KCNIP4: variants seen among roughly 807,000 people sequenced by gnomAD.
KCNIP4 encodes the protein Kv channel-interacting protein 4.
Under a neutral mutation model 34.0 loss-of-function variants are expected in KCNIP4, and 12 were observed. That is an observed-to-expected ratio of 0.35 (90% CI 0.23 to 0.57). The LOEUF is 0.57. KCNIP4 is among the 20% of genes least tolerant of loss of function. The pLI, the probability that KCNIP4 is intolerant of heterozygous loss-of-function variation, is 0.83. For synonymous variants in KCNIP4, 124 were observed against 102.2 expected (o/e 1.21, Z -1.29); for missense variants, 238 against 311.7 (o/e 0.76, Z 1.78).
rs557114677 is a variant in KCNIP4, at chr4:21,689,245, T to G, written c.61+259326A>C. On this transcript the variant is annotated intron_variant, in intron 1 of 8. Coordinates refer to ENST00000382152, the MANE Select transcript of KCNIP4 (RefSeq NM_025221.6). ...ATATAGGTACCTTTCTATTTATTCCTAATTACCAGGAAGCATAATAATGAT... is the reference window on the plus strand; with the variant it reads ...ATATAGGTACCTTTCTATTTATTCCGAATTACCAGGAAGCATAATAATGAT... 2.0e-5 allele frequency among the ~76,000 whole-genome samples: 3 copies of G among 152,228 alleles called. No individual in the cohort carries two copies. In the East Asian group the frequency reaches 5.8e-4, roughly 29 times the overall value.
chr4:21,518,990 C>T (rs1269104220), intron 1 of KCNIP4, among the ~76,000 whole-genome samples: 1 of 151,974 alleles, frequency 6.6e-6, no homozygotes, highest in Non-Finnish European at 1.5e-5. Flanking sequence ...AAAGAAATAC[C>T]ATTATTACAT....
intron 1 of KCNIP4, among the ~76,000 whole-genome samples, chr4:20,954,808 TC>T (rs2149647785): frequency 6.6e-6 from 1 of 152,316 alleles, no homozygotes; most frequent in African/African-American, 2.4e-5. Flanking sequence ...CTATTTGTCA[TC>T]CCTGCCTTAT....
At chr4:21,738,129 AAATAAAT>A (rs559446098) in intron 1 of KCNIP4, among the ~76,000 whole-genome samples, 12,374 of 118,558 alleles carry the variant, frequency 0.1, 1,236 homozygotes, top group African/African-American at 0.28. Flanking sequence ...ATAAATAAAT[AAATAAAT>A]AATAAATAAA....
chr4:21,628,814 A>G (rs1745514795), intron 1 of KCNIP4, among the ~76,000 whole-genome samples: 1 of 152,234 alleles, frequency 6.6e-6, no homozygotes. Context: ...TCACTATTGA[A>G]CTTAATACCA....
intron 1 of KCNIP4, among the ~76,000 whole-genome samples, chr4:21,221,893 A>G (rs1758006335): frequency 6.6e-6 from 1 of 152,228 alleles, no homozygotes; most frequent in Non-Finnish European, 1.5e-5. Context: ...GTTTTCATAC[A>G]GTGATCCTTT....
chr4:21,821,752 C>A (rs2109290780), intron 1 of KCNIP4, among the ~76,000 whole-genome samples: 1 of 152,188 alleles, frequency 6.6e-6, no homozygotes, highest in South Asian at 2.1e-4. Flanking sequence ...TGAATGAGTA[C>A]AGTTGTCCAC....
chr4:21,737,660 T>A (rs1440325683), intron 1 of KCNIP4, among the ~76,000 whole-genome samples: 1 of 152,218 alleles, frequency 6.6e-6, no homozygotes, highest in Non-Finnish European at 1.5e-5. Flanking sequence ...TGGCCACTAT[T>A]GCCTTACAGC....
At chr4:20,800,365 A>G (rs569155304) in intron 3 of KCNIP4, among the ~76,000 whole-genome samples, 1 of 152,376 alleles carries the variant, frequency 6.6e-6, no homozygotes, top group Admixed American at 6.5e-5. Flanking sequence ...CAGGAACACA[A>G]GAAACACAGA....
intron 4 of KCNIP4, among the ~76,000 whole-genome samples, chr4:20,757,840 G>A (rs1754611958): frequency 6.6e-6 from 1 of 152,178 alleles, no homozygotes; most frequent in Non-Finnish European, 1.5e-5. Flanking sequence ...CATATTAGAT[G>A]CTTTCTGAAT....
intron 1 of KCNIP4, among the ~76,000 whole-genome samples, chr4:21,094,504 A>G (rs1032069435): frequency 2.0e-5 from 3 of 152,210 alleles, no homozygotes; most frequent in Non-Finnish European, 4.4e-5. Context: ...AAGAGGAAAG[A>G]AAAGTCAGAT....
chr4:20,963,462 A>G lies in KCNIP4; in HGVS notation c.62-80753T>C, dbSNP rs182656056. ...CTTTTTTTTTAAAACTCAGGGAGTC[A>G]TGTAACTCTGCTATATGTATTTCTT... On this transcript the variant is annotated intron_variant, in intron 1 of 8. Transcript: ENST00000382152. 1.8e-4 allele frequency among the ~76,000 whole-genome samples: 27 copies of G among 152,308 alleles called. No homozygotes were observed. In the East Asian group the frequency reaches 4.2e-3, roughly 24 times the overall value.
At chr4:21,259,450 C>T (rs750748419) in intron 1 of KCNIP4, among the ~76,000 whole-genome samples, 36 of 152,118 alleles carry the variant, frequency 2.4e-4, no homozygotes, top group Non-Finnish European at 4.6e-4. Context: ...TGCTCCAGCT[C>T]TTTCATTATG....
At chr4:21,688,521 A>C (rs545798354) in intron 1 of KCNIP4, among the ~76,000 whole-genome samples, 1 of 152,272 alleles carries the variant, frequency 6.6e-6, no homozygotes, top group African/African-American at 2.4e-5. Context: ...TAAATGCTGA[A>C]CAATATGGGA....
intron 1 of KCNIP4, among the ~76,000 whole-genome samples, chr4:21,875,626 C>G (rs894578740): frequency 6.6e-6 from 1 of 152,024 alleles, no homozygotes; most frequent in African/African-American, 2.4e-5. Flanking sequence ...CTTCTTGTCA[C>G]CGGAAATCAA....
At chr4:21,027,684 T>C (rs2149758757) in intron 1 of KCNIP4, among the ~76,000 whole-genome samples, 1 of 151,802 alleles carries the variant, frequency 6.6e-6, no homozygotes, top group Admixed American at 6.6e-5. Flanking sequence ...GTTCTTTTGT[T>C]TTAATTGCAA....
intron 1 of KCNIP4, among the ~76,000 whole-genome samples, chr4:21,227,092 T>C (rs1433998416): frequency 6.6e-6 from 1 of 152,174 alleles, no homozygotes; most frequent in Non-Finnish European, 1.5e-5. Context: ...TGAAATTATG[T>C]AGGTAGATCA....
chr4:21,883,159 G>GTT lies in KCNIP4; in HGVS notation c.61+65410_61+65411dup, dbSNP rs71193418. ...ATTAAAAGTTTGTTTCTGAGTTGTT[G>GTT]TTTTTTTTTTTTTTTTATAAGAGAC... On this transcript the variant is annotated intron_variant, in intron 1 of 8. Transcript: ENST00000382152. 2.1e-3 allele frequency among the ~76,000 whole-genome samples: 292 copies of GTT among 138,080 alleles called. 1 individual carries two copies. Among genetic ancestry groups the GTT allele is most frequent in the African/African-American group, 4.5e-3 (167 of 37,376 alleles). 90.6% of individuals were successfully genotyped at this position (138,080 alleles called of 152,430 possible).
intron 3 of KCNIP4, 65 bp from the exon 4 acceptor site, chr4:20,758,955 T>G: frequency 7.7e-7 from 1 of 1,290,748 alleles, no homozygotes; most frequent in Non-Finnish European, 1.1e-6. Context: ...TTTTTGCACA[T>G]TTTGAAACAG....
At chr4:21,737,363 G>T (rs190719263) in intron 1 of KCNIP4, among the ~76,000 whole-genome samples, 1 of 150,086 alleles carries the variant, frequency 6.7e-6, no homozygotes, top group East Asian at 2.0e-4. Context: ...CTCTTTCTGG[G>T]TTTTTTTTTA....
Sources: allele counts gnomAD v4.1 joint callset (sites outside exome capture counted in the v4.1 genomes callset), GRCh38; gene constraint gnomAD v4.1.1; transcripts MANE v1.5; gene names NCBI Gene and HGNC (gene_info 2026-07-23, HGNC 2026-07-21).